The following ATRNL1 variants were observed in gnomAD, a reference collection of about 807,000 sequenced individuals.
ATRNL1 encodes the protein attractin-like protein 1.
ATRNL1 carries 95 observed loss-of-function variants against 182.7 expected under a neutral mutation model. The observed-to-expected ratio is 0.52, with a 90% confidence interval of 0.44 to 0.62. The LOEUF (loss-of-function observed/expected upper bound fraction) is 0.62, where lower values mean the gene tolerates loss of function less well. ATRNL1 is among the 20% of genes least tolerant of loss of function. The probability of loss-of-function intolerance (pLI) is 0.00; values close to 1 mark genes in which losing one functional copy is unlikely to be tolerated. For missense variants in ATRNL1, 1,471 were observed against 1,679.5 expected (o/e 0.88, Z 2.17); for synonymous variants, 576 against 568.3 (o/e 1.01, Z -0.19).
chr10:115,131,374 C>T (rs782547726), intron 5 of ATRNL1, among the ~76,000 whole-genome samples: 2 of 151,960 alleles, frequency 1.3e-5, no homozygotes, highest in Non-Finnish European at 2.9e-5. Flanking sequence ...GAAATGATTT[C>T]TGAATTGATA....
At chr10:115,657,047 G>A (rs2133894166) in intron 26 of ATRNL1, among the ~76,000 whole-genome samples, 1 of 152,224 alleles carries the variant, frequency 6.6e-6, no homozygotes, top group South Asian at 2.1e-4. Flanking sequence ...TTAGCCTGCA[G>A]TAAAGTTGGT....
chr10:115,528,597 A>AT (rs1851384137), intron 25 of ATRNL1, among the ~76,000 whole-genome samples: 1 of 149,830 alleles, frequency 6.7e-6, no homozygotes, highest in South Asian at 2.1e-4. Context: ...GGTATTGTTG[A>AT]TTTTCTCTAT....
In ATRNL1 at chr10:115,750,261, AAATAT is replaced by A. The variant is rs1463453492; in HGVS notation, c.3903+22911_3903+22915del. 3.4e-4 allele frequency among the ~76,000 whole-genome samples: 52 copies of A among 151,944 alleles called. 2 individuals carry two copies. In the Admixed American group the frequency reaches 3.4e-3, roughly 10 times the overall value. On this transcript the variant is annotated intron_variant, in intron 27 of 28. Transcript: ENST00000355044. ...GCCAACTTTAAGTAGTTTTATAATAAAATATAATAGTTTAAAAGAAAGGTCTATTA... is the reference window on the plus strand; with the variant it reads ...GCCAACTTTAAGTAGTTTTATAATAAAATAGTTTAAAAGAAAGGTCTATTA...
chr10:115,426,111 T>G, intron 20 of ATRNL1, 139 bp from the exon 21 acceptor site: 1 of 560,802 alleles, frequency 1.8e-6, no homozygotes, highest in Non-Finnish European at 3.1e-6. Flanking sequence ...CTTTCAAAGA[T>G]GTGTTTTTGA....
At chr10:115,562,805 C>T (rs1853834587) in intron 26 of ATRNL1, among the ~76,000 whole-genome samples, 1 of 152,126 alleles carries the variant, frequency 6.6e-6, no homozygotes, top group South Asian at 2.1e-4. Flanking sequence ...TCAATTAAGC[C>T]GCTTTACCAG....
chr10:115,915,380 A>AGAGC (rs1351020680), intron 28 of ATRNL1, among the ~76,000 whole-genome samples: 2 of 152,002 alleles, frequency 1.3e-5, no homozygotes, highest in Non-Finnish European at 2.9e-5. Context: ...CCTAGGCAAC[A>AGAGC]GAGCGAGACT....
At position 115,093,992 on chromosome 10, in the gene ATRNL1, G is replaced by T. The variant is rs868923477; in HGVS notation, c.242G>T (p.Cys81Phe). 1 of 1,582,986 alleles carries T rather than the reference G, an allele frequency of 6.3e-7. No individual in the cohort carries two copies. ...SGRCVNSTCL[C>F]DPGWVGDQCQ... is the part of the protein sequence containing the mutation. ...CGCTGTGTCAACTCCACCTGCCTCT[G>T]CGACCCGGGCTGGGTGGGGGACCAG... is the stretch of plus-strand genomic sequence containing the variant. Residue 81 changes from cysteine to phenylalanine, a missense_variant, in exon 1 of 29, where the codon TGC becomes TTC. Physicochemically the swap from Cys to Phe is radical, Grantham distance 205. This residue lies in a region of ATRNL1 where 1,031 missense variants were observed against 1,156.0 expected (regional missense o/e 0.89). Coordinates refer to ENST00000355044, the MANE Select transcript of ATRNL1 (RefSeq NM_207303.4). This position sits in a 1 kb window ranked among gnomAD's most constrained non-coding sequence, Gnocchi z 6.1.
At chr10:115,426,956 C>T (rs1554963042) in intron 21 of ATRNL1, among the ~76,000 whole-genome samples, 1 of 152,146 alleles carries the variant, frequency 6.6e-6, no homozygotes, top group East Asian at 1.9e-4. Flanking sequence ...AACTCCTGAC[C>T]TCATGATCCG....
intron 26 of ATRNL1, among the ~76,000 whole-genome samples, chr10:115,597,194 C>CAGT (rs1555014273): frequency 6.6e-6 from 1 of 152,028 alleles, no homozygotes; most frequent in African/African-American, 2.4e-5. Flanking sequence ...ATTTTTTCCT[C>CAGT]AGTAGACGAA....
chr10:115,588,171 G>A (rs1406748844), intron 26 of ATRNL1, among the ~76,000 whole-genome samples: 2 of 152,160 alleles, frequency 1.3e-5, no homozygotes, highest in African/African-American at 4.8e-5. Context: ...TGTAGCATCA[G>A]TTTGGCTCTC....
intron 27 of ATRNL1, among the ~76,000 whole-genome samples, chr10:115,728,128 G>GAAAAA (rs3087144): frequency 1.8e-5 from 2 of 112,930 alleles, no homozygotes; most frequent in Non-Finnish European, 3.4e-5. Context: ...AAAAAAAAAA[G>GAAAAA]AAAAAAAAAA....
chr10:115,200,616 C>A, intron 8 of ATRNL1, among the ~76,000 whole-genome samples: 1 of 137,758 alleles, frequency 7.3e-6, no homozygotes, highest in African/African-American at 2.8e-5. Flanking sequence ...TTTTCTTAAT[C>A]CAGTCTATCA....
intron 26 of ATRNL1, among the ~76,000 whole-genome samples, chr10:115,655,525 A>G (rs1354968121): frequency 6.6e-6 from 1 of 152,188 alleles, no homozygotes; most frequent in Admixed American, 6.5e-5. Context: ...TCATTCTGTG[A>G]TAACTACTTC....
At chr10:115,534,791 G>T (rs1204573566) in intron 25 of ATRNL1, among the ~76,000 whole-genome samples, 1 of 150,654 alleles carries the variant, frequency 6.6e-6, no homozygotes, top group Non-Finnish European at 1.5e-5. Flanking sequence ...AGCTCTTTTA[G>T]GGCAGGCCTG....
intron 17 of ATRNL1, 31 bp downstream of exon 17, chr10:115,302,074 T>C: frequency 2.0e-6 from 3 of 1,526,386 alleles, no homozygotes; most frequent in South Asian, 2.5e-5. Context: ...ACTTTTCACT[T>C]GACAGCAACG....
intron 9 of ATRNL1, among the ~76,000 whole-genome samples, chr10:115,227,058 A>G (rs760805814): frequency 2.0e-5 from 3 of 152,146 alleles, no homozygotes; most frequent in Non-Finnish European, 2.9e-5. Context: ...TGCAACAAAA[A>G]CAAAAATTGA....
At chr10:115,116,306 A>C (rs1844482527) in intron 1 of ATRNL1, among the ~76,000 whole-genome samples, 1 of 152,122 alleles carries the variant, frequency 6.6e-6, no homozygotes, top group South Asian at 2.1e-4. Flanking sequence ...GAAACTTGGA[A>C]TATGTATTAG....
chr10:115,296,282 G>C (rs1473722787), intron 15 of ATRNL1, among the ~76,000 whole-genome samples: 1 of 152,060 alleles, frequency 6.6e-6, no homozygotes, highest in Non-Finnish European at 1.5e-5. Context: ...CACCACAGGT[G>C]CATCTCCACT....
At chr10:115,318,287 T>G (rs1854406585) in intron 18 of ATRNL1, among the ~76,000 whole-genome samples, 1 of 152,200 alleles carries the variant, frequency 6.6e-6, no homozygotes, top group Non-Finnish European at 1.5e-5. Context: ...TGGATTCGGT[T>G]TGCCAGTATT....
Sources: gnomAD v4.1 joint callset for allele counts (sites outside exome capture counted in the v4.1 genomes callset) on GRCh38, gnomAD v4.1.1 for gene constraint, gnomAD v4.1.1 regional missense constraint, Gnocchi (gnomAD v3.1) non-coding constraint, MANE v1.5 for transcripts, NCBI Gene and HGNC (gene_info 2026-07-23, HGNC 2026-07-21) for gene names.